Variants in DOCK3 observed in about 807,000 individuals in gnomAD.
The protein encoded by DOCK3 is dedicator of cytokinesis 3, also known as dedicator of cytokinesis protein 3.
A neutral mutation model predicts 265.6 loss-of-function variants in DOCK3; 60 were observed. The ratio of observed to expected loss-of-function variants is 0.23; its 90% CI spans 0.18 to 0.28. DOCK3 has a LOEUF of 0.28. DOCK3 is among the 10% of genes least tolerant of loss of function. DOCK3 has a pLI of 1.00. For synonymous variants in DOCK3, 881 were observed against 938.0 expected (o/e 0.94, Z 1.11); for missense variants, 1,981 against 2,594.3 (o/e 0.76, Z 5.14).
chr3:50,961,934 A>T (rs528658756), intron 5 of DOCK3, among the ~76,000 whole-genome samples: 17 of 152,302 alleles, frequency 1.1e-4, no homozygotes, highest in African/African-American at 3.8e-4. Flanking sequence ...ATTCATGCAT[A>T]ATCTTGTTTA....
intron 4 of DOCK3, among the ~76,000 whole-genome samples, chr3:50,923,275 A>G (rs983970018): frequency 2.0e-5 from 3 of 152,160 alleles, no homozygotes; most frequent in African/African-American, 4.8e-5. Context: ...TTTCCTCTGC[A>G]TAGATTCCCA....
chr3:51,380,920 G>A (rs2110636657), intron 52 of DOCK3, 130 bp from the exon 53 acceptor site: 5 of 1,226,620 alleles, frequency 4.1e-6, no homozygotes, highest in Non-Finnish European at 5.6e-6. Context: ...GCTTGCTGCT[G>A]AAGAAACAAG....
At chr3:51,372,089 G>A (rs990201460) in intron 49 of DOCK3, among the ~76,000 whole-genome samples, 4 of 152,122 alleles carry the variant, frequency 2.6e-5, no homozygotes, top group African/African-American at 4.8e-5. Context: ...GGAAAGCACT[G>A]TATCGGTCAA....
At chr3:50,972,747 C>T (rs970751491) in intron 5 of DOCK3, among the ~76,000 whole-genome samples, 1 of 152,200 alleles carries the variant, frequency 6.6e-6, no homozygotes, top group Non-Finnish European at 1.5e-5. Context: ...TTTCTAGTTT[C>T]TCTATGCTGT....
chr3:51,351,169 G>T (rs1184469702), intron 40 of DOCK3, among the ~76,000 whole-genome samples: 1 of 152,164 alleles, frequency 6.6e-6, no homozygotes, highest in Non-Finnish European at 1.5e-5. Flanking sequence ...GTTCTCAGAT[G>T]ATCTAAATGA....
intron 1 of DOCK3, among the ~76,000 whole-genome samples, chr3:50,682,335 A>T (rs2034470164): frequency 6.6e-6 from 1 of 152,170 alleles, no homozygotes; most frequent in Non-Finnish European, 1.5e-5. Flanking sequence ...ATGTCCCAGG[A>T]CCATTAAACA....
rs143506690 is a variant in DOCK3, at chr3:51,232,117, T to C, written c.1917+2508T>C. Reference sequence around the variant, plus strand: ...CTCAGCACCATTCATTTTTTGCCAATTGTTACACTCTCTTTTTTATGTTTT... The same window carrying C: ...CTCAGCACCATTCATTTTTTGCCAACTGTTACACTCTCTTTTTTATGTTTT... On this transcript the variant is annotated intron_variant, in intron 19 of 52. Transcript: ENST00000266037. 7.0e-3 allele frequency among the ~76,000 whole-genome samples: 1,071 copies of C among 152,314 alleles called. 4 individuals are homozygous for C. Among genetic ancestry groups the C allele is most frequent in the Non-Finnish European group, 0.011 (734 of 68,008 alleles).
intron 23 of DOCK3, among the ~76,000 whole-genome samples, chr3:51,268,156 CA>C (rs999939718): frequency 1.3e-4 from 20 of 151,870 alleles, no homozygotes; most frequent in South Asian, 4.2e-4. Flanking sequence ...ATTAAAACTT[CA>C]AAAAAAGATT....
rs536487077 is a variant in DOCK3, at chr3:50,896,837, C to T, written c.218+6756C>T. Among the ~76,000 whole-genome samples the T allele has an allele frequency of 5.9e-5, 9 of 152,144 alleles. No individual in the cohort carries two copies. The East Asian group carries it at 1.5e-3, about 26-fold the overall frequency. ...TTATTTCTGAGGCCTCTGTTCTGTT[C>T]CATTGGTCTGTATATCTGTTTTGTA... is the stretch of plus-strand genomic sequence containing the variant. On this transcript the variant is annotated intron_variant, in intron 4 of 52. Transcript: ENST00000266037.
chr3:50,882,182 A>T (rs867586939), intron 3 of DOCK3, among the ~76,000 whole-genome samples: 2 of 152,186 alleles, frequency 1.3e-5, no homozygotes. Flanking sequence ...AACCTAGGCA[A>T]TACCATTCAG....
chr3:51,315,244 T>C, intron 32 of DOCK3, 116 bp downstream of exon 32: 1 of 1,295,504 alleles, frequency 7.7e-7, no homozygotes, highest in Non-Finnish European at 1.0e-6. Flanking sequence ...TTTGGCTAAT[T>C]TGAATCCTGT....
intron 38 of DOCK3, among the ~76,000 whole-genome samples, chr3:51,345,352 G>C (rs929993010): frequency 6.6e-6 from 1 of 152,160 alleles, no homozygotes; most frequent in African/African-American, 2.4e-5. Flanking sequence ...GCTCATGCCT[G>C]TAATGTCAAC....
chr3:51,276,562 A>G (rs757064823), intron 25 of DOCK3: 811 of 468,948 alleles, frequency 1.7e-3, no homozygotes, highest in Non-Finnish European at 2.1e-3. Context: ...TTCGACAGAT[A>G]GGAAAGATGA....
At chr3:50,871,112 T>C (rs2107583252) in intron 3 of DOCK3, among the ~76,000 whole-genome samples, 1 of 152,244 alleles carries the variant, frequency 6.6e-6, no homozygotes, top group East Asian at 1.9e-4. Flanking sequence ...GTTTCGTACC[T>C]TCAGATGATT....
chr3:51,263,717 T>C (rs181104573), intron 23 of DOCK3, among the ~76,000 whole-genome samples: 4 of 152,252 alleles, frequency 2.6e-5, no homozygotes, highest in Non-Finnish European at 5.9e-5. Context: ...AATACAGGGA[T>C]GGAGGACTAT....
chr3:51,381,655 C>T lies in DOCK3; in HGVS notation c.*96C>T. 2 of 1,424,256 alleles carry T rather than the reference C, an allele frequency of 1.4e-6. No individual in the cohort carries two copies. The highest frequency in any genetic ancestry group is 1.8e-6 in the Non-Finnish European group (2 of 1,090,506). 88.2% of individuals were successfully genotyped at this position (1,424,256 alleles called of 1,614,324 possible). On this transcript the variant is annotated 3_prime_UTR_variant, in exon 53 of 53. Coordinates refer to ENST00000266037, the MANE Select transcript of DOCK3 (RefSeq NM_004947.5). This position sits in a 1 kb window ranked among gnomAD's most constrained non-coding sequence, Gnocchi z 5.6. ...GTCCCCCAGCCCCACCCCAGGGAGC[C>T]AGAGAGGCTTGCACTCAGGAGAGAA...
At chr3:50,954,482 A>G in intron 5 of DOCK3, among the ~76,000 whole-genome samples, 1 of 152,144 alleles carries the variant, frequency 6.6e-6, no homozygotes. Flanking sequence ...CAGCTTCCTC[A>G]TCTATGAAAT....
At chr3:51,008,085 G>A (rs1365739025) in intron 5 of DOCK3, among the ~76,000 whole-genome samples, 1 of 152,160 alleles carries the variant, frequency 6.6e-6, no homozygotes, top group African/African-American at 2.4e-5. Flanking sequence ...TTTTGGCTTA[G>A]GATTGTGTTG....
intron 5 of DOCK3, among the ~76,000 whole-genome samples, chr3:50,952,958 T>C (rs2108326146): frequency 6.6e-6 from 1 of 152,276 alleles, no homozygotes; most frequent in Admixed American, 6.5e-5. Flanking sequence ...TTAATGAAAC[T>C]TAAGTGATTT....
Sources: allele counts gnomAD v4.1 joint callset (sites outside exome capture counted in the v4.1 genomes callset), GRCh38; gene constraint gnomAD v4.1.1; non-coding constraint Gnocchi (gnomAD v3.1); transcripts MANE v1.5; gene names NCBI Gene and HGNC (gene_info 2026-07-23, HGNC 2026-07-21).